Variants in NEK11 observed in about 807,000 individuals in gnomAD.
NEK11 encodes the protein serine/threonine-protein kinase Nek11.
A neutral mutation model predicts 80.7 loss-of-function variants in NEK11; 72 were observed. The ratio of observed to expected loss-of-function variants is 0.89; its 90% CI spans 0.74 to 1.08. The LOEUF (loss-of-function observed/expected upper bound fraction) is 1.08. Ranked by LOEUF, NEK11 falls within the 50% of genes least tolerant of loss-of-function variation. The pLI is 0.00. For missense variants in NEK11, 764 were observed against 763.6 expected (o/e 1.00, Z -0.01); for synonymous variants, 251 against 260.7 (o/e 0.96, Z 0.36).
chr3:131,206,202 G>A (rs1000209003), intron 14 of NEK11, among the ~76,000 whole-genome samples: 5 of 152,146 alleles, frequency 3.3e-5, no homozygotes, highest in Admixed American at 2.0e-4. Flanking sequence ...CTCCAGATAG[G>A]TTTGAAAACT....
chr3:131,152,775 A>G (rs544061001), intron 9 of NEK11, 66 bp downstream of exon 9: 50 of 1,136,194 alleles, frequency 4.4e-5, no homozygotes, highest in Non-Finnish European at 6.0e-5. Flanking sequence ...CCATGACTTG[A>G]AGATATGCAG....
At chr3:131,204,521 A>G (rs1438118967) in intron 14 of NEK11, among the ~76,000 whole-genome samples, 1 of 152,148 alleles carries the variant, frequency 6.6e-6, no homozygotes, top group East Asian at 1.9e-4. Flanking sequence ...GTAGATAGTC[A>G]GAATTGAATT....
At chr3:131,103,028 C>T (rs1578293302) in intron 4 of NEK11, among the ~76,000 whole-genome samples, 1 of 152,024 alleles carries the variant, frequency 6.6e-6, no homozygotes, top group Admixed American at 6.6e-5. Context: ...CAATTTGGTT[C>T]TTTTTTAAAT....
At chr3:131,275,398 A>G (rs1015217509) in intron 17 of NEK11, among the ~76,000 whole-genome samples, 1 of 152,220 alleles carries the variant, frequency 6.6e-6, no homozygotes, top group Non-Finnish European at 1.5e-5. Flanking sequence ...AATGTTTTAA[A>G]TAATTAAAAT....
chr3:131,298,310 T>C (rs1436545181), intron 17 of NEK11, among the ~76,000 whole-genome samples: 6 of 152,238 alleles, frequency 3.9e-5, no homozygotes, highest in African/African-American at 9.6e-5. Context: ...TGGAATGTTC[T>C]TCCATTTCTT....
chr3:131,190,458 G>C (rs1201124733), intron 14 of NEK11, among the ~76,000 whole-genome samples: 1 of 152,136 alleles, frequency 6.6e-6, no homozygotes. Context: ...GATGAGATCT[G>C]GTTGTTTAAA....
chr3:131,231,261 G>C (rs1457422504), intron 15 of NEK11, among the ~76,000 whole-genome samples: 1 of 149,798 alleles, frequency 6.7e-6, no homozygotes, highest in Non-Finnish European at 1.5e-5. Flanking sequence ...GAGTGCAGTG[G>C]CATGATCTCT....
Position 131,134,083 on chromosome 3 carries a change from G to C in NEK11, c.647+127G>C. 3.7e-6 allele frequency: 3 copies of C among 806,754 alleles called. No individual in the cohort carries two copies. In the South Asian group the frequency reaches 1.3e-4, roughly 36 times the overall value. 50.0% of individuals were successfully genotyped at this position (806,754 alleles called of 1,614,324 possible). A position where few individuals can be genotyped will look rare whatever the true frequency, so the allele number is the denominator to read the frequency against. ...TTTGACATGAATATTTCTGTGACCA[G>C]AGTAAAAGAAGGTCTTTTGCATTTA... is the stretch of plus-strand genomic sequence containing the variant. On this transcript the variant is annotated intron_variant, in intron 7 of 17. Coordinates refer to ENST00000383366, the MANE Select transcript of NEK11 (RefSeq NM_024800.5).
intron 17 of NEK11, among the ~76,000 whole-genome samples, chr3:131,334,034 C>T (rs1414400020): frequency 6.6e-6 from 1 of 152,050 alleles, no homozygotes; most frequent in East Asian, 1.9e-4. Context: ...CTTTAACACC[C>T]CACTGTCAAC....
In NEK11 at chr3:131,195,736, T is replaced by G. The variant is rs572394505; in HGVS notation, c.1399+24849T>G. On this transcript the variant is annotated intron_variant, in intron 14 of 17. Transcript: ENST00000383366. ...GTTCTTTTCCTTTATAGCACCTTTG[T>G]CAGTTGTGGTACATATAATGTCTAC... Among the ~76,000 whole-genome samples, 17 of 150,392 alleles carry G rather than the reference T, an allele frequency of 1.1e-4. No individual in the cohort carries two copies. In the South Asian group the frequency reaches 2.5e-3, roughly 22 times the overall value.
chr3:131,055,896 T>C (rs1051005275), intron 3 of NEK11, among the ~76,000 whole-genome samples: 3 of 152,212 alleles, frequency 2.0e-5, no homozygotes, highest in Non-Finnish European at 4.4e-5. Context: ...GGAAGAGATT[T>C]TGGAGCAAAA....
chr3:131,165,343 A>G (rs2092104689), intron 11 of NEK11, 83 bp from the exon 12 acceptor site: 4 of 849,296 alleles, frequency 4.7e-6, no homozygotes, highest in Non-Finnish European at 7.6e-6. Flanking sequence ...GTCTGTTGAA[A>G]TAAGGATCAC....
intron 16 of NEK11, among the ~76,000 whole-genome samples, chr3:131,255,166 G>A (rs568782751): frequency 1.1e-4 from 17 of 152,212 alleles, no homozygotes; most frequent in African/African-American, 3.4e-4. Flanking sequence ...ATTTAAGAAT[G>A]TTAAAGTTTG....
intron 17 of NEK11, among the ~76,000 whole-genome samples, chr3:131,308,893 A>C (rs1175513813): frequency 6.6e-6 from 1 of 152,202 alleles, no homozygotes; most frequent in Non-Finnish European, 1.5e-5. Flanking sequence ...GTTCTATCTC[A>C]GACCACCAGG....
At chr3:131,282,953 T>C (rs1372578160) in intron 17 of NEK11, among the ~76,000 whole-genome samples, 1 of 152,216 alleles carries the variant, frequency 6.6e-6, no homozygotes, top group Non-Finnish European at 1.5e-5. Flanking sequence ...TAACTTTCAA[T>C]GCATGCCTCC....
chr3:131,155,522 G>C (rs753601841), intron 10 of NEK11, among the ~76,000 whole-genome samples: 3 of 152,174 alleles, frequency 2.0e-5, no homozygotes, highest in African/African-American at 4.8e-5. Context: ...GTGGAGTCCT[G>C]AGACAATTGA....
chr3:131,171,737 C>G (rs2092705636), intron 14 of NEK11, among the ~76,000 whole-genome samples: 1 of 152,206 alleles, frequency 6.6e-6, no homozygotes, highest in South Asian at 2.1e-4. Flanking sequence ...GCAGTTATGA[C>G]ACTTTGAGCA....
chr3:131,090,823 G>T (rs112484566), intron 4 of NEK11, among the ~76,000 whole-genome samples: 1 of 152,102 alleles, frequency 6.6e-6, no homozygotes, highest in Non-Finnish European at 1.5e-5. Flanking sequence ...GGAGTGCAGT[G>T]GTGCAATCAT....
intron 16 of NEK11, among the ~76,000 whole-genome samples, chr3:131,253,448 G>A (rs780562718): frequency 3.7e-4 from 57 of 152,106 alleles, no homozygotes; most frequent in Non-Finnish European, 6.0e-4. Flanking sequence ...ATGGGGAATA[G>A]CCAATAATAT....
Sources: allele counts gnomAD v4.1 joint callset (sites outside exome capture counted in the v4.1 genomes callset), GRCh38; gene constraint gnomAD v4.1.1; transcripts MANE v1.5; gene names NCBI Gene and HGNC (gene_info 2026-07-23, HGNC 2026-07-21).